DPP10: variants seen among roughly 807,000 people sequenced by gnomAD.
DPP10 encodes dipeptidyl peptidase like 10.
In DPP10, 33 loss-of-function variants were observed where a neutral mutation model predicts 120.9. The observed-to-expected ratio is 0.27, with a 90% confidence interval of 0.21 to 0.37. The LOEUF (loss-of-function observed/expected upper bound fraction) is 0.37. Ranked by LOEUF, DPP10 falls within the 10% of genes least tolerant of loss-of-function variation. DPP10 has a pLI of 1.00. For missense variants in DPP10, 816 were observed against 942.8 expected (o/e 0.87, Z 1.76); for synonymous variants, 337 against 326.1 (o/e 1.03, Z -0.36).
chr2:114,814,650 T>C (rs1449651831), intron 1 of DPP10, among the ~76,000 whole-genome samples: 1 of 152,170 alleles, frequency 6.6e-6, no homozygotes, highest in Non-Finnish European at 1.5e-5. Context: ...ATGCAGTGGC[T>C]GCAGGACCTG....
chr2:115,622,878 T>A (rs1426895315), intron 5 of DPP10, among the ~76,000 whole-genome samples: 3 of 150,750 alleles, frequency 2.0e-5, no homozygotes, highest in Admixed American at 2.0e-4. Context: ...AGTCTCGCTC[T>A]GTCGCCCAGG....
At chr2:115,802,828 G>C (rs7568915) in intron 19 of DPP10, among the ~76,000 whole-genome samples, 4,980 of 152,168 alleles carry the variant, frequency 0.033, 279 homozygotes, top group African/African-American at 0.11. Flanking sequence ...TGTTACATTT[G>C]CTGAAGAGTG....
chr2:115,013,823 G>A (rs773842904), intron 1 of DPP10, among the ~76,000 whole-genome samples: 2 of 152,040 alleles, frequency 1.3e-5, no homozygotes, highest in African/African-American at 2.4e-5. Context: ...ACCCCATACT[G>A]GAGCACCCAA....
chr2:115,497,625 T>C (rs371777095), intron 3 of DPP10, among the ~76,000 whole-genome samples: 5 of 152,150 alleles, frequency 3.3e-5, no homozygotes, highest in Middle Eastern at 3.4e-3. Flanking sequence ...TGATGATATG[T>C]TCATCACAAT....
At chr2:114,750,069 A>G (rs940417441) in intron 1 of DPP10, among the ~76,000 whole-genome samples, 2 of 152,118 alleles carry the variant, frequency 1.3e-5, no homozygotes, top group Non-Finnish European at 1.5e-5. Context: ...TGTGTTTTGT[A>G]TCAAATACTT....
At chr2:114,891,430 G>T (rs529538839) in intron 1 of DPP10, among the ~76,000 whole-genome samples, 2 of 152,282 alleles carry the variant, frequency 1.3e-5, no homozygotes, top group South Asian at 2.1e-4. Flanking sequence ...TGACATACAG[G>T]TGTTAAAGTA....
At chr2:115,432,124 C>A (rs1026320429) in intron 3 of DPP10, among the ~76,000 whole-genome samples, 2 of 151,994 alleles carry the variant, frequency 1.3e-5, no homozygotes, top group African/African-American at 2.4e-5. Context: ...ATATAGTTAA[C>A]ATTTGTTTTC....
chr2:115,836,882 A>G (rs1443470719), intron 24 of DPP10, 136 bp downstream of exon 24: 24 of 703,574 alleles, frequency 3.4e-5, no homozygotes, highest in Non-Finnish European at 5.1e-5. Flanking sequence ...AATCAGATAC[A>G]TGATAGAAGG....
intron 1 of DPP10, among the ~76,000 whole-genome samples, chr2:115,270,725 C>T (rs942384806): frequency 6.6e-6 from 1 of 152,120 alleles, no homozygotes; most frequent in Non-Finnish European, 1.5e-5. Context: ...ACATTTATGA[C>T]ACACATGCTC....
intron 1 of DPP10, among the ~76,000 whole-genome samples, chr2:115,180,916 TCCTCCTG>T (rs2054031419): frequency 4.0e-3 from 1 of 250 alleles, no homozygotes; most frequent in South Asian, 0.1. Context: ...ATGCCTCCCT[TCCTCCTG>T]CCTCCCTCCC....
chr2:115,314,326 A>G (rs1559407708), intron 2 of DPP10, among the ~76,000 whole-genome samples: 1 of 152,226 alleles, frequency 6.6e-6, no homozygotes. Context: ...AGACAGAGTC[A>G]TCACACTGAT....
At chr2:114,498,964 C>G (rs1268973138) in intron 1 of DPP10, among the ~76,000 whole-genome samples, 2 of 152,104 alleles carry the variant, frequency 1.3e-5, no homozygotes, top group Non-Finnish European at 2.9e-5. Flanking sequence ...AATACTATTC[C>G]GCTTTAAAGA....
At chr2:115,733,590 G>GAA (rs10584331) in intron 8 of DPP10, among the ~76,000 whole-genome samples, 1 of 144,166 alleles carries the variant, frequency 6.9e-6, no homozygotes, top group African/African-American at 2.6e-5. Context: ...GCAGAAAATT[G>GAA]AAAAAAAAAA....
chr2:114,731,023 A>T (rs1286938998), intron 1 of DPP10, among the ~76,000 whole-genome samples: 2 of 151,688 alleles, frequency 1.3e-5, no homozygotes, highest in Admixed American at 6.6e-5. Context: ...TTGGGAATGG[A>T]TGTGAAGAAC....
intron 1 of DPP10, among the ~76,000 whole-genome samples, chr2:114,894,887 T>A (rs1692838351): frequency 6.6e-6 from 1 of 152,144 alleles, no homozygotes; most frequent in Non-Finnish European, 1.5e-5. Context: ...AGGACATAGC[T>A]TATGAGAAGA....
chr2:115,092,494 C>A (rs1352965339), intron 1 of DPP10, among the ~76,000 whole-genome samples: 1 of 152,126 alleles, frequency 6.6e-6, no homozygotes, highest in Admixed American at 6.5e-5. Context: ...ACATCTATCA[C>A]CTTTCGGTCT....
At chr2:114,573,822 T>G (rs1689839976) in intron 1 of DPP10, among the ~76,000 whole-genome samples, 1 of 152,152 alleles carries the variant, frequency 6.6e-6, no homozygotes, top group Non-Finnish European at 1.5e-5. Context: ...GCAACTAATA[T>G]TAACTAAAAA....
rs1015907661 is a variant in DPP10, at chr2:115,487,217, G to C, written c.272-12293G>C. The stretch of plus-strand genomic sequence containing the variant: ...AGGAGAACTACAAACCACTGCTCAA[G>C]GAAATAAAAGAGGACACAAACAAAT... On this transcript the variant is annotated intron_variant, in intron 3 of 25. Coordinates refer to ENST00000410059, the MANE Select transcript of DPP10 (RefSeq NM_020868.6). Among the ~76,000 whole-genome samples the C allele has an allele frequency of 9.4e-5, 13 of 137,904 alleles. No individual in the cohort carries two copies. The South Asian group carries it at 3.0e-3, about 32-fold the overall frequency. 90.5% of individuals were successfully genotyped at this position (137,904 alleles called of 152,430 possible). A position where few individuals can be genotyped will look rare whatever the true frequency, so the allele number is the denominator to read the frequency against.
chr2:115,154,516 C>T (rs1217719283), intron 1 of DPP10, among the ~76,000 whole-genome samples: 3 of 152,060 alleles, frequency 2.0e-5, no homozygotes, highest in South Asian at 2.1e-4. Context: ...GTAATTCCTA[C>T]ATGTCAAGTA....
Sources: allele counts gnomAD v4.1 joint callset (sites outside exome capture counted in the v4.1 genomes callset), GRCh38; gene constraint gnomAD v4.1.1; transcripts MANE v1.5; gene names NCBI Gene and HGNC (gene_info 2026-07-23, HGNC 2026-07-21).